The following FGGY variants were observed in gnomAD, a reference collection of about 807,000 sequenced individuals.
The protein encoded by FGGY is FGGY carbohydrate kinase domain-containing protein.
A neutral mutation model predicts 71.3 loss-of-function variants in FGGY; 72 were observed. That is an observed-to-expected ratio of 1.01 (90% CI 0.84 to 1.23). The LOEUF is 1.23. Ranked by LOEUF, FGGY falls within the 50% of genes most tolerant of loss-of-function variation. The pLI is 0.00. For synonymous variants in FGGY, 251 were observed against 250.3 expected, an observed-to-expected ratio of 1.00 and a Z score of -0.02; for missense variants, 668 against 682.3, an observed-to-expected ratio of 0.98 and a Z score of 0.23.
At chr1:59,511,482 C>A (rs2094517040) in intron 6 of FGGY, among the ~76,000 whole-genome samples, 1 of 151,922 alleles carries the variant, frequency 6.6e-6, no homozygotes, top group South Asian at 2.1e-4. Context: ...TGTTTAACAC[C>A]TAGGAGCAGA....
At chr1:59,366,558 A>G (rs963525740) in intron 4 of FGGY, among the ~76,000 whole-genome samples, 3 of 152,086 alleles carry the variant, frequency 2.0e-5, no homozygotes, top group Non-Finnish European at 1.5e-5. Flanking sequence ...TATGAGGCTG[A>G]CTCATCAAAC....
At chr1:59,444,254 G>A (rs531811597) in intron 5 of FGGY, among the ~76,000 whole-genome samples, 1 of 152,212 alleles carries the variant, frequency 6.6e-6, no homozygotes, top group African/African-American at 2.4e-5. Context: ...GCAAAGTAGA[G>A]ATTCTTTTTT....
intron 6 of FGGY, among the ~76,000 whole-genome samples, chr1:59,500,046 A>G (rs1026356498): frequency 1.3e-5 from 2 of 152,116 alleles, no homozygotes; most frequent in African/African-American, 2.4e-5. Flanking sequence ...GACTGTAGAG[A>G]CACATTGTTA....
At chr1:59,622,732 A>AGAAAGACT (rs1251012796) in intron 9 of FGGY, among the ~76,000 whole-genome samples, 3 of 152,162 alleles carry the variant, frequency 2.0e-5, no homozygotes, top group African/African-American at 7.2e-5. Context: ...TTTCTTAATC[A>AGAAAGACT]GAAAGACTGT....
chr1:59,365,313 G>A (rs17096903), intron 4 of FGGY, among the ~76,000 whole-genome samples: 5,239 of 152,228 alleles, frequency 0.034, 216 homozygotes, highest in African/African-American at 0.1. Flanking sequence ...TGAGAAGGGC[G>A]TGAGAAGGTC....
chr1:59,549,607 T>C (rs1361280967), intron 7 of FGGY, among the ~76,000 whole-genome samples: 1 of 152,230 alleles, frequency 6.6e-6, no homozygotes, highest in Non-Finnish European at 1.5e-5. Flanking sequence ...GAGGATACTT[T>C]GCAAGCTATA....
chr1:59,512,316 C>A lies in FGGY; in HGVS notation c.676C>A (p.Gln226Lys). ...TTTTTCTCATGTCTACCCAGGAAACCAAGTGCTACCTCCTGGAGCTTCTCT... is the reference window on the plus strand; with the variant it reads ...TTTTTCTCATGTCTACCCAGGAAACAAAGTGCTACCTCCTGGAGCTTCTCT... ...VADNYSKIGNQVLPPGASLGN... is the reference protein window; with the variant it reads ...VADNYSKIGNKVLPPGASLGN... The change falls in exon 7 of 16, where the codon CAA (glutamine) becomes AAA (lysine). Residue 226 changes from glutamine (Q) to lysine (K), a missense_variant. Gln to Lys is a moderately conservative substitution (Grantham distance 53). Coordinates refer to ENST00000303721, the MANE Select transcript of FGGY (RefSeq NM_018291.5). 6.2e-7 allele frequency: 1 copy of A among 1,606,330 alleles called. No homozygotes were observed. The highest frequency in any genetic ancestry group is 8.5e-7 in the Non-Finnish European group (1 of 1,175,744).
intron 14 of FGGY, among the ~76,000 whole-genome samples, chr1:59,716,542 G>A (rs2097847309): frequency 6.6e-6 from 1 of 152,176 alleles, no homozygotes; most frequent in Non-Finnish European, 1.5e-5. Flanking sequence ...TGGAACATTT[G>A]TTTTATGCGG....
intron 14 of FGGY, among the ~76,000 whole-genome samples, chr1:59,705,211 A>T (rs554984936): frequency 2.0e-5 from 3 of 152,254 alleles, no homozygotes; most frequent in Admixed American, 1.3e-4. Flanking sequence ...GTCCCTTCTT[A>T]TCTACCTTTG....
Position 59,416,029 on chromosome 1 carries a change from G to A in FGGY, c.554+37192G>A, listed in dbSNP as rs533765440. Among the ~76,000 whole-genome samples the A allele has an allele frequency of 2.6e-5, 4 of 152,312 alleles. No individual in the cohort carries two copies. In the East Asian group the frequency reaches 5.8e-4, roughly 22 times the overall value. ...GCTCATTCCCAGAGGAATCTGTTGT[G>A]TGGCCAATAGGGTAGGATCTGTACA... On this transcript the variant is annotated intron_variant, in intron 5 of 15. Coordinates refer to ENST00000303721, the MANE Select transcript of FGGY (RefSeq NM_018291.5).
At chr1:59,369,089 G>A (rs143530289) in intron 4 of FGGY, among the ~76,000 whole-genome samples, 3,447 of 152,298 alleles carry the variant, frequency 0.023, 104 homozygotes, top group African/African-American at 0.077. Context: ...CGCACTGTGC[G>A]CAAGCCGAAG....
chr1:59,408,396 G>A (rs1485053986), intron 5 of FGGY, among the ~76,000 whole-genome samples: 1 of 152,132 alleles, frequency 6.6e-6, no homozygotes. Flanking sequence ...AAACTGAAAT[G>A]TTGCTCAGAC....
chr1:59,457,069 C>T lies in FGGY; in HGVS notation c.663C>T (p.Ser221=), dbSNP rs371856878. ...GLEDFVADNY[S]KIGNQVLPPG... ...AAGACTTTGTTGCAGATAATTACAGCAAAATAGGTAAAAGAATAAAACATC... is the reference window on the plus strand; with the variant it reads ...AAGACTTTGTTGCAGATAATTACAGTAAAATAGGTAAAAGAATAAAACATC... The change falls in exon 6 of 16, where the codon AGC becomes AGT. Residue 221 remains serine (S), a synonymous_variant. Transcript: ENST00000303721. 11 of 1,606,686 alleles carry T rather than the reference C, an allele frequency of 6.8e-6. No homozygotes were observed. The African/African-American group carries it at 1.3e-4, about 20-fold the overall frequency.
At chr1:59,674,488 C>T (rs971576549) in intron 14 of FGGY, among the ~76,000 whole-genome samples, 1 of 152,040 alleles carries the variant, frequency 6.6e-6, no homozygotes, top group African/African-American at 2.4e-5. Context: ...TTTTTATTTG[C>T]TTATGTCAAC....
chr1:59,418,129 C>T (rs996388017), intron 5 of FGGY, among the ~76,000 whole-genome samples: 2 of 152,038 alleles, frequency 1.3e-5, no homozygotes, highest in African/African-American at 2.4e-5. Flanking sequence ...GGAGGTTATG[C>T]AGACTCAGTG....
chr1:59,426,373 G>T (rs1017397884), intron 5 of FGGY, among the ~76,000 whole-genome samples: 5 of 152,148 alleles, frequency 3.3e-5, no homozygotes, highest in African/African-American at 1.2e-4. Context: ...GGGTGGGAAG[G>T]GGAGTGAAGG....
chr1:59,490,987 C>A, intron 6 of FGGY, among the ~76,000 whole-genome samples: 1 of 135,020 alleles, frequency 7.4e-6, no homozygotes. Context: ...TGCTTGCTTG[C>A]TTGCTTGCTT....
At chr1:59,328,521 A>G (rs1380026589) in intron 2 of FGGY, among the ~76,000 whole-genome samples, 1 of 152,192 alleles carries the variant, frequency 6.6e-6, no homozygotes, top group Non-Finnish European at 1.5e-5. Context: ...AATTTTCTCC[A>G]TATCAGCAAT....
At chr1:59,428,018 G>A (rs2066693697) in intron 5 of FGGY, among the ~76,000 whole-genome samples, 1 of 152,170 alleles carries the variant, frequency 6.6e-6, no homozygotes. Context: ...GGATGGCTGG[G>A]AAGCCCATCT....
Sources: gnomAD v4.1 joint callset for allele counts (sites outside exome capture counted in the v4.1 genomes callset) on GRCh38, gnomAD v4.1.1 for gene constraint, MANE v1.5 for transcripts, NCBI Gene and HGNC (gene_info 2026-07-23, HGNC 2026-07-21) for gene names.